The following TRMT11 variants were observed in gnomAD, a reference collection of about 807,000 sequenced individuals.
TRMT11 encodes the protein tRNA (guanine(10)-N(2))-methyltransferase TRMT11.
TRMT11 carries 53 observed loss-of-function variants against 62.8 expected under a neutral mutation model. The observed-to-expected ratio is 0.84, with a 90% CI of 0.68 to 1.06. The LOEUF is 1.06. Among genes scored for constraint, TRMT11 ranks in the 50% least tolerant of loss-of-function variants. The pLI is 0.00. For synonymous variants in TRMT11, 188 were observed against 190.3 expected, an observed-to-expected ratio of 0.99 and a Z score of 0.10; for missense variants, 556 against 553.4, an observed-to-expected ratio of 1.00 and a Z score of -0.05.
chr6:126,050,840 A>G (rs551746990), intron 16 of TRMT11, among the ~76,000 whole-genome samples: 6 of 152,354 alleles, frequency 3.9e-5, no homozygotes, highest in Admixed American at 2.0e-4. Flanking sequence ...TTACTCATCT[A>G]TTCATTCATT....
chr6:126,241,881 G>T, the TRMT11 span, among the ~76,000 whole-genome samples: 1 of 152,172 alleles, frequency 6.6e-6, no homozygotes, highest in Admixed American at 6.5e-5. Context: ...CACAAGACAG[G>T]GATGCCCTCT....
chr6:126,072,545 A>C (rs1306325739), intron 17 of TRMT11, among the ~76,000 whole-genome samples: 2 of 152,200 alleles, frequency 1.3e-5, no homozygotes, highest in Non-Finnish European at 2.9e-5. Flanking sequence ...TCGTCTGTAA[A>C]ATAGCATATA....
intron 1 of TRMT11, among the ~76,000 whole-genome samples, chr6:126,188,428 A>G (rs1021128456): frequency 6.6e-6 from 1 of 152,122 alleles, no homozygotes; most frequent in African/African-American, 2.4e-5. Flanking sequence ...AAACCACAAG[A>G]TAACATTCCA....
chr6:126,106,936 CAA>C (rs59224462), intron 17 of TRMT11, among the ~76,000 whole-genome samples: 13,050 of 94,082 alleles, frequency 0.14, 1,053 homozygotes, highest in African/African-American at 0.27. Context: ...CTCTCTCTCT[CAA>C]AAAAAAAAAA....
upstream of TRMT11, among the ~76,000 whole-genome samples, chr6:126,173,886 G>T (rs944131371): frequency 5.9e-5 from 9 of 152,146 alleles, no homozygotes; most frequent in Non-Finnish European, 1.2e-4. Context: ...CTCTTTCTCT[G>T]CCCCAGGAGA....
chr6:125,998,055 C>T lies in TRMT11; in HGVS notation c.215C>T (p.Ser72Phe), dbSNP rs1791868705. The stretch of plus-strand genomic sequence containing the variant: ...AGTACCAATCATTTATTTCCTAGGT[C>T]TATATTTGAACTATGGGGTCATGGA... ...NLMKRTVCAK[S>F]IFELWGHGQS... Residue 72 changes from serine (S) to phenylalanine (F), a missense_variant and splice_region_variant, in exon 4 of 13, where the codon TCT becomes TTT. Transcript: ENST00000334379. 4 of 1,607,414 alleles carry T rather than the reference C, an allele frequency of 2.5e-6. No homozygotes were observed. The African/African-American group carries it at 5.4e-5, about 22-fold the overall frequency.
upstream of TRMT11, among the ~76,000 whole-genome samples, chr6:126,174,064 T>C (rs981014638): frequency 6.6e-6 from 1 of 152,178 alleles, no homozygotes; most frequent in Non-Finnish European, 1.5e-5. Flanking sequence ...TCCCAGAACC[T>C]GATGTTTTTA....
At chr6:126,095,360 AG>A (rs1222675560) in intron 17 of TRMT11, among the ~76,000 whole-genome samples, 1 of 152,206 alleles carries the variant, frequency 6.6e-6, no homozygotes, top group Non-Finnish European at 1.5e-5. Context: ...GGAATCTGTC[AG>A]GGTTTTAAAT....
chr6:126,249,163 A>T, the TRMT11 span, among the ~76,000 whole-genome samples: 3 of 152,150 alleles, frequency 2.0e-5, no homozygotes, highest in African/African-American at 7.2e-5. Context: ...CTAGAATGCA[A>T]ATTAGAACAG....
chr6:126,097,613 G>A (rs1050656345), intron 17 of TRMT11, among the ~76,000 whole-genome samples: 5 of 151,768 alleles, frequency 3.3e-5, no homozygotes, highest in African/African-American at 1.2e-4. Context: ...GCATGGTTCA[G>A]GAATTTTTTT....
chr6:126,160,263 T>TGC (rs1778173958), intron 21 of TRMT11, among the ~76,000 whole-genome samples: 10 of 151,702 alleles, frequency 6.6e-5, no homozygotes, highest in African/African-American at 1.9e-4. Flanking sequence ...TATATGCTCT[T>TGC]AGGGAGACTT....
chr6:126,260,541 T>C, the TRMT11 span, among the ~76,000 whole-genome samples: 3 of 152,184 alleles, frequency 2.0e-5, no homozygotes, highest in Non-Finnish European at 4.4e-5. Flanking sequence ...CCTTCACGTG[T>C]TTTCATGGTA....
chr6:126,109,258 G>A (rs527535954), intron 17 of TRMT11, among the ~76,000 whole-genome samples: 2 of 152,280 alleles, frequency 1.3e-5, no homozygotes, highest in East Asian at 3.9e-4. Context: ...TTTGGGAGGG[G>A]ATGTTCAGGG....
At chr6:126,261,732 G>T in the TRMT11 span, among the ~76,000 whole-genome samples, 3 of 152,160 alleles carry the variant, frequency 2.0e-5, no homozygotes, top group African/African-American at 7.2e-5. Flanking sequence ...TGCCTTACTG[G>T]TCTAGGCTGC....
chr6:126,223,490 G>A, the TRMT11 span, among the ~76,000 whole-genome samples: 1 of 151,364 alleles, frequency 6.6e-6, no homozygotes, highest in South Asian at 2.1e-4. Context: ...ATAGGCCCCT[G>A]ATGTCTTCAG....
intron 21 of TRMT11, among the ~76,000 whole-genome samples, chr6:126,132,031 C>T (rs1777790818): frequency 1.3e-5 from 2 of 152,000 alleles, no homozygotes; most frequent in South Asian, 4.1e-4. Context: ...AATGCATACC[C>T]ATTCTACCTT....
At chr6:126,159,089 T>C (rs1370721635) in intron 21 of TRMT11, among the ~76,000 whole-genome samples, 2 of 151,894 alleles carry the variant, frequency 1.3e-5, no homozygotes, top group Non-Finnish European at 2.9e-5. Flanking sequence ...TAAATGTCTG[T>C]TTTCTCCTCC....
Position 126,154,937 on chromosome 6 carries a change from C to G in TRMT11, c.*1824-19888C>G, listed in dbSNP as rs78876584. Reference sequence around the variant, plus strand: ...GACTGTTTTAGACCTAGGTTCTGAGCACCTTTGCATCACCCATGACAGTCC... The same window carrying G: ...GACTGTTTTAGACCTAGGTTCTGAGGACCTTTGCATCACCCATGACAGTCC... On this transcript the variant is annotated intron_variant and NMD_transcript_variant, in intron 21 of 22. Coordinates refer to the TRMT11 transcript ENST00000648977. 1.6e-3 allele frequency among the ~76,000 whole-genome samples: 248 copies of G among 152,296 alleles called. 6 individuals are homozygous for G. The East Asian group carries it at 0.042, about 26-fold the overall frequency.
chr6:126,259,981 G>T, the TRMT11 span, among the ~76,000 whole-genome samples: 8 of 151,988 alleles, frequency 5.3e-5, no homozygotes, highest in Admixed American at 4.6e-4. Flanking sequence ...TCTCTTGCAG[G>T]CAGAATATAG....
Sources: allele counts gnomAD v4.1 joint callset (sites outside exome capture counted in the v4.1 genomes callset), GRCh38; gene constraint gnomAD v4.1.1; transcripts MANE v1.5; gene names NCBI Gene and HGNC (gene_info 2026-07-23, HGNC 2026-07-21).